The following RYR3 variants were observed in gnomAD, a reference collection of about 807,000 sequenced individuals.
The protein encoded by RYR3 is brain ryanodine receptor-calcium release channel.
RYR3 carries 207 observed loss-of-function variants against 584.3 expected under a neutral mutation model. That is an observed-to-expected ratio of 0.35 (90% CI 0.32 to 0.40). The LOEUF is 0.40. RYR3 is among the 10% of genes least tolerant of loss of function. RYR3 has a pLI of 1.00. For synonymous variants in RYR3, 2,416 were observed against 2,248.5 expected (o/e 1.07, Z -2.11); for missense variants, 5,616 against 6,089.2 (o/e 0.92, Z 2.59).
chr15:33,564,146 G>A (rs2152486201), intron 11 of RYR3, among the ~76,000 whole-genome samples: 1 of 152,304 alleles, frequency 6.6e-6, no homozygotes, highest in East Asian at 1.9e-4. Context: ...GCTCAGTTGT[G>A]CTAAAGAGTC....
chr15:33,383,369 C>T (rs539218848), intron 1 of RYR3, among the ~76,000 whole-genome samples: 9 of 149,834 alleles, frequency 6.0e-5, no homozygotes, highest in Non-Finnish European at 1.3e-4. Context: ...TGAGATACGC[C>T]ACACTTCGGT....
chr15:33,486,384 T>C (rs2050425144), intron 2 of RYR3, among the ~76,000 whole-genome samples: 1 of 152,140 alleles, frequency 6.6e-6, no homozygotes, highest in Non-Finnish European at 1.5e-5. Context: ...CATCTTTACG[T>C]GGCTTTTTTC....
At position 33,837,726 on chromosome 15, in the gene RYR3, T is replaced by G; in HGVS notation, c.11746T>G (p.Phe3916Val). ...VEMILKFFDM[F>V]LKLKDLTSSD... Reference sequence around the variant, plus strand: ...AATGATCTTGAAATTCTTTGACATGTTCTTGAAACTTAAAGACTTAACCAG... The same window carrying G: ...AATGATCTTGAAATTCTTTGACATGGTCTTGAAACTTAAAGACTTAACCAG... Residue 3916 changes from phenylalanine (F) to valine (V), a missense_variant, in exon 89 of 104, where the codon TTC becomes GTC. Physicochemically the swap from Phe to Val is conservative, Grantham distance 50 (BLOSUM62 -1). This residue lies in a region of RYR3 where 258 missense variants were observed against 297.3 expected (regional missense o/e 0.87). Coordinates refer to ENST00000634891, the MANE Select transcript of RYR3 (RefSeq NM_001036.6). The G allele has an allele frequency of 1.2e-6, 2 of 1,613,046 alleles. No homozygotes were observed. Among genetic ancestry groups the G allele is most frequent in the Non-Finnish European group, 1.7e-6 (2 of 1,179,384 alleles).
intron 1 of RYR3, among the ~76,000 whole-genome samples, chr15:33,414,151 C>G (rs1476557332): frequency 1.3e-5 from 2 of 152,202 alleles, no homozygotes; most frequent in East Asian, 3.9e-4. Flanking sequence ...ATTAATTAGT[C>G]ATACTATAAA....
chr15:33,646,149 T>C (rs2062090786), intron 28 of RYR3: 1 of 473,232 alleles, frequency 2.1e-6, no homozygotes, highest in Non-Finnish European at 3.7e-6. Flanking sequence ...ATCTCTAATT[T>C]CCCTAGCCAG....
At chr15:33,853,473 G>T in intron 95 of RYR3, 82 bp from the exon 96 acceptor site, 2 of 1,514,812 alleles carry the variant, frequency 1.3e-6, no homozygotes, top group Non-Finnish European at 1.8e-6. Context: ...CCATAGGGCA[G>T]CAAAGCTCTG....
In RYR3 at chr15:33,611,961, A is replaced by G. The variant is rs76476670; in HGVS notation, c.2165-1222A>G. Among the ~76,000 whole-genome samples, 29 of 152,298 alleles carry G rather than the reference A, an allele frequency of 1.9e-4. No individual in the cohort carries two copies. The East Asian group carries it at 3.3e-3, about 17-fold the overall frequency. ...GGCATGAGCTCCCCAGCCTTTTTGT[A>G]TACTTTCCTGTATAAATGGTGACCA... On this transcript the variant is annotated intron_variant, in intron 18 of 103. Transcript: ENST00000634891.
At chr15:33,630,807 A>G (rs1052547970) in intron 22 of RYR3, among the ~76,000 whole-genome samples, 3 of 152,244 alleles carry the variant, frequency 2.0e-5, no homozygotes, top group Non-Finnish European at 4.4e-5. Flanking sequence ...GCAAATTTAT[A>G]AAATAGAAAA....
At chr15:33,610,224 A>G (rs980050644) in intron 18 of RYR3, among the ~76,000 whole-genome samples, 16 of 151,988 alleles carry the variant, frequency 1.1e-4, no homozygotes, top group Non-Finnish European at 1.6e-4. Context: ...TTCTGCAACT[A>G]TGTTAGACAC....
chr15:33,433,742 G>A (rs2045414944), intron 1 of RYR3, among the ~76,000 whole-genome samples: 1 of 152,206 alleles, frequency 6.6e-6, no homozygotes, highest in Non-Finnish European at 1.5e-5. Flanking sequence ...GGCTTTCAAT[G>A]TATTTGCTTC....
intron 40 of RYR3, among the ~76,000 whole-genome samples, chr15:33,698,923 T>C (rs1029061955): frequency 5.3e-5 from 8 of 152,202 alleles, no homozygotes; most frequent in Admixed American, 3.9e-4. Flanking sequence ...TATTGAGCAC[T>C]GTAGGATCAA....
chr15:33,747,809 C>G (rs1452599217), intron 53 of RYR3, among the ~76,000 whole-genome samples: 1 of 152,166 alleles, frequency 6.6e-6, no homozygotes, highest in African/African-American at 2.4e-5. Flanking sequence ...TCTTCAACAA[C>G]TACTAGAACA....
intron 96 of RYR3, among the ~76,000 whole-genome samples, chr15:33,854,049 A>C (rs1448135440): frequency 6.6e-6 from 1 of 152,092 alleles, no homozygotes; most frequent in African/African-American, 2.4e-5. Flanking sequence ...TTTAAAAAGT[A>C]GCTAGGCGTG....
intron 1 of RYR3, among the ~76,000 whole-genome samples, chr15:33,406,846 G>C (rs761937302): frequency 7.9e-5 from 12 of 152,168 alleles, no homozygotes; most frequent in Non-Finnish European, 1.3e-4. Flanking sequence ...GTTCCTACCT[G>C]AATTGAGTGT....
intron 1 of RYR3, among the ~76,000 whole-genome samples, chr15:33,388,094 A>G (rs1280820055): frequency 6.6e-6 from 1 of 152,236 alleles, no homozygotes; most frequent in African/African-American, 2.4e-5. Context: ...AAAGAGAAAC[A>G]TTTATGAATC....
At chr15:33,844,223 A>C (rs1244789736) in intron 92 of RYR3, among the ~76,000 whole-genome samples, 1 of 152,204 alleles carries the variant, frequency 6.6e-6, no homozygotes, top group Non-Finnish European at 1.5e-5. Context: ...TCGACAAACT[A>C]ATGACCTTCT....
intron 2 of RYR3, among the ~76,000 whole-genome samples, chr15:33,493,223 C>G (rs927893391): frequency 3.3e-5 from 5 of 152,158 alleles, no homozygotes; most frequent in African/African-American, 9.7e-5. Context: ...CCTTCCTCCC[C>G]CTGCCGATGC....
chr15:33,662,775 C>G lies in RYR3; in HGVS notation c.5245C>G (p.Leu1749Val). 1 of 1,614,034 alleles carries G rather than the reference C, an allele frequency of 6.2e-7. No homozygotes were observed. The highest frequency in any genetic ancestry group is 8.5e-7 in the Non-Finnish European group (1 of 1,179,932). Residue 1749 changes from leucine to valine, a missense_variant, in exon 35 of 104, where the codon CTG becomes GTG. Physicochemically the swap from Leu to Val is conservative, Grantham distance 32. This residue lies in a region of RYR3 where 753 missense variants were observed against 741.0 expected (regional missense o/e 1.02). Transcript: ENST00000634891. ...TGATGATGTTCGGCAGATCCTCCTC[C>G]TGATTGATCCCTCTGTGTTTGGGGA... is the stretch of plus-strand genomic sequence containing the variant. ...DDDDVRQILL[L>V]IDPSVFGEHS...
intron 98 of RYR3, among the ~76,000 whole-genome samples, chr15:33,857,481 C>G (rs1411519022): frequency 1.3e-5 from 2 of 152,104 alleles, no homozygotes; most frequent in Non-Finnish European, 2.9e-5. Context: ...CAAATACAGT[C>G]ACATTCTGAG....
Sources: allele counts gnomAD v4.1 joint callset (sites outside exome capture counted in the v4.1 genomes callset), GRCh38; gene constraint gnomAD v4.1.1; regional missense constraint gnomAD v4.1.1; transcripts MANE v1.5; gene names NCBI Gene and HGNC (gene_info 2026-07-23, HGNC 2026-07-21).